Variants in SERGEF observed in about 807,000 individuals in gnomAD.
The protein encoded by SERGEF is secretion-regulating guanine nucleotide exchange factor.
Under a neutral mutation model 50.0 loss-of-function variants are expected in SERGEF, and 51 were observed. The observed-to-expected ratio is 1.02, with a 90% CI of 0.81 to 1.29. The LOEUF (loss-of-function observed/expected upper bound fraction) is 1.29. Ranked by LOEUF, SERGEF falls within the 50% of genes most tolerant of loss-of-function variation. The probability of loss-of-function intolerance (pLI) is 0.00; values close to 1 mark genes in which losing one functional copy is unlikely to be tolerated. For missense variants in SERGEF, 521 were observed against 557.0 expected (o/e 0.94, Z 0.65); for synonymous variants, 205 against 212.4 (o/e 0.97, Z 0.30).
At chr11:17,986,232 A>T (rs1261533918) in intron 8 of SERGEF, among the ~76,000 whole-genome samples, 1 of 152,168 alleles carries the variant, frequency 6.6e-6, no homozygotes, top group Non-Finnish European at 1.5e-5. Context: ...TTTCTTCTCA[A>T]CGACACTGGG....
At chr11:17,910,193 A>ACACACACTCT (rs869123110) in intron 9 of SERGEF, among the ~76,000 whole-genome samples, 1 of 145,638 alleles carries the variant, frequency 6.9e-6, no homozygotes, top group Non-Finnish European at 1.5e-5. Context: ...ACACACACAC[A>ACACACACTCT]CTCTCTCTCT....
chr11:17,790,128 C>A (rs1405699264), intron 10 of SERGEF, among the ~76,000 whole-genome samples: 1 of 152,208 alleles, frequency 6.6e-6, no homozygotes, highest in Admixed American at 6.5e-5. Context: ...TGCTTCAACC[C>A]TTCTCTTAAA....
chr11:17,941,596 G>C (rs1010026102), intron 9 of SERGEF, among the ~76,000 whole-genome samples: 3 of 152,266 alleles, frequency 2.0e-5, no homozygotes, highest in Middle Eastern at 6.8e-3. Flanking sequence ...ATGTACATGG[G>C]TATGCATATA....
chr11:17,931,859 G>T (rs767995464), intron 9 of SERGEF, among the ~76,000 whole-genome samples: 1 of 152,144 alleles, frequency 6.6e-6, no homozygotes, highest in African/African-American at 2.4e-5. Flanking sequence ...GTGACGCCCA[G>T]CAATCTGTGT....
At chr11:17,882,637 T>G (rs1287774710) in intron 9 of SERGEF, among the ~76,000 whole-genome samples, 2 of 152,088 alleles carry the variant, frequency 1.3e-5, no homozygotes, top group Non-Finnish European at 2.9e-5. Flanking sequence ...CAGTAGTCTT[T>G]CTGCACACAA....
At chr11:17,995,110 G>A (rs1388580798) in intron 6 of SERGEF, among the ~76,000 whole-genome samples, 1 of 152,196 alleles carries the variant, frequency 6.6e-6, no homozygotes, top group Non-Finnish European at 1.5e-5. Flanking sequence ...AAGAAAGAGA[G>A]AGAGAGACAG....
chr11:17,801,851 C>A (rs915879685), intron 10 of SERGEF, among the ~76,000 whole-genome samples: 1 of 152,038 alleles, frequency 6.6e-6, no homozygotes, highest in Non-Finnish European at 1.5e-5. Flanking sequence ...TAATTTGGTG[C>A]CTTCATCACT....
intron 8 of SERGEF, 86 bp from the exon 9 acceptor site, chr11:17,959,722 C>T (rs1699305075): frequency 2.3e-5 from 29 of 1,253,280 alleles, no homozygotes; most frequent in Non-Finnish European, 3.1e-5. Context: ...GAAAGTGTGA[C>T]ATTTATTTTA....
intron 9 of SERGEF, among the ~76,000 whole-genome samples, chr11:17,945,132 A>G (rs1852633708): frequency 6.6e-6 from 1 of 152,266 alleles, no homozygotes; most frequent in African/African-American, 2.4e-5. Context: ...CTAGGAGTAT[A>G]TTGAATTGTT....
At chr11:17,950,640 G>A (rs995963935) in intron 9 of SERGEF, among the ~76,000 whole-genome samples, 4 of 152,132 alleles carry the variant, frequency 2.6e-5, no homozygotes, top group Non-Finnish European at 4.4e-5. Context: ...TGGTAGAAAT[G>A]GAGGTAGTTT....
chr11:17,797,961 A>G (rs1289313978), intron 10 of SERGEF, among the ~76,000 whole-genome samples: 1 of 152,098 alleles, frequency 6.6e-6, no homozygotes, highest in Non-Finnish European at 1.5e-5. Context: ...GCTGAGACAA[A>G]CCAAAAGTCC....
chr11:17,831,141 T>G (rs1850301224), intron 10 of SERGEF, among the ~76,000 whole-genome samples: 1 of 152,204 alleles, frequency 6.6e-6, no homozygotes, highest in South Asian at 2.1e-4. Flanking sequence ...AAAAATCACT[T>G]GGTGCACTTG....
chr11:17,997,706 A>G (rs1478425099), intron 5 of SERGEF, among the ~76,000 whole-genome samples: 2 of 152,268 alleles, frequency 1.3e-5, no homozygotes, highest in East Asian at 1.9e-4. Flanking sequence ...AAAAGTATCT[A>G]AACGCCGATA....
At chr11:17,878,074 C>A (rs1851269929) in intron 10 of SERGEF, 134 bp downstream of exon 10, 1 of 655,558 alleles carries the variant, frequency 1.5e-6, no homozygotes, top group Non-Finnish European at 2.7e-6. Flanking sequence ...CAACCAAAAA[C>A]TTCCATTTCC....
intron 10 of SERGEF, among the ~76,000 whole-genome samples, chr11:17,837,343 T>C (rs1394822775): frequency 6.6e-6 from 1 of 151,960 alleles, no homozygotes; most frequent in African/African-American, 2.4e-5. Context: ...TGAAATTTGA[T>C]CCCAATATTG....
rs1851480008 is a variant in SERGEF at position 17,888,720 on chromosome 11, C to T, written c.1012-10476G>A. 6.6e-6 allele frequency among the ~76,000 whole-genome samples: 1 copy of T among 151,900 alleles called. No individual in the cohort carries two copies. Among genetic ancestry groups the T allele is most frequent in the African/African-American group, 2.4e-5 (1 of 41,330 alleles). On this transcript the variant is annotated intron_variant, in intron 9 of 10. Transcript: ENST00000265965. The surrounding 1 kb of genome is among the most constrained non-coding windows in gnomAD (Gnocchi z 4.1). ...ACATGAAATTGCCCAGCAGCACTGA[C>T]ACCCCAGCAGCAATGAGTTTACTTG...
intron 1 of SERGEF, 90 bp from the exon 2 acceptor site, chr11:18,008,166 ATC>A: frequency 7.4e-7 from 1 of 1,350,056 alleles, no homozygotes; most frequent in Non-Finnish European, 1.0e-6. Context: ...ACCCTGACGT[ATC>A]TCTCAGACCC....
chr11:17,795,952 G>A (rs1849565197), intron 10 of SERGEF, among the ~76,000 whole-genome samples: 1 of 152,208 alleles, frequency 6.6e-6, no homozygotes, highest in Admixed American at 6.5e-5. Context: ...ATTTCAAAAA[G>A]CCACGGCCCC....
chr11:17,956,723 A>C (rs1034382795), intron 9 of SERGEF, among the ~76,000 whole-genome samples: 1 of 152,094 alleles, frequency 6.6e-6, no homozygotes, highest in Non-Finnish European at 1.5e-5. Context: ...CTTGGACATT[A>C]AAGGCAACTA....
Sources: gnomAD v4.1 joint callset for allele counts (sites outside exome capture counted in the v4.1 genomes callset) on GRCh38, gnomAD v4.1.1 for gene constraint, Gnocchi (gnomAD v3.1) non-coding constraint, MANE v1.5 for transcripts, NCBI Gene and HGNC (gene_info 2026-07-23, HGNC 2026-07-21) for gene names.